The following RESF1 variants were observed in gnomAD, a reference collection of about 807,000 sequenced individuals.
The protein encoded by RESF1 is retroelement silencing factor 1.
Under a neutral mutation model 134.7 loss-of-function variants are expected in RESF1, and 65 were observed. That is an observed-to-expected ratio of 0.48 (90% CI 0.40 to 0.59). The LOEUF is 0.59. Among genes scored for constraint, RESF1 ranks in the 20% least tolerant of loss-of-function variants. The pLI is 0.00. For synonymous variants in RESF1, 762 were observed against 702.2 expected (o/e 1.09, Z -1.35); for missense variants, 2,274 against 2,002.7 (o/e 1.14, Z -2.59).
In RESF1 at chr12:31,968,605, T is replaced by C. The variant is rs983626870; in HGVS notation, c.-246-1584T>C. ...CTGGGATTACAGGCGCCCACCACCA[T>C]GCCCGGCTAATTTTTTGTATTTTTA... On this transcript the variant is annotated intron_variant, in intron 2 of 5. Transcript: ENST00000312561. 1.4e-3 allele frequency among the ~76,000 whole-genome samples: 213 copies of C among 151,900 alleles called. 1 individual carries two copies. Among genetic ancestry groups the C allele is most frequent in the African/African-American group, 5.0e-3 (207 of 41,464 alleles).
In RESF1 at chr12:31,985,129, C is replaced by T. The variant is rs1939934105; in HGVS notation, c.4174C>T (p.His1392Tyr). The change falls in exon 4 of 6, where the codon CAT becomes TAT. Residue 1392 changes from histidine (H) to tyrosine (Y), a missense_variant. His to Tyr is a moderately conservative substitution (Grantham distance 83, BLOSUM62 2). Transcript: ENST00000312561. The part of the protein sequence containing the change: ...VLDMEVKKKK[H>Y]DKQEQKGSVG... ...AGATATGGAAGTAAAGAAAAAGAAA[C>T]ATGATAAACAAGAACAGAAAGGAAG... 4.5e-6 allele frequency: 7 copies of T among 1,546,688 alleles called. No homozygotes were observed. The highest frequency in any genetic ancestry group is 4.5e-5 in the Admixed American group (2 of 44,082).
chr12:31,986,048 G>C, intron 4 of RESF1, 91 bp downstream of exon 4: 1 of 772,256 alleles, frequency 1.3e-6, no homozygotes, highest in Non-Finnish European at 1.8e-6. Flanking sequence ...GTCTTGGGCT[G>C]CTGGGAAAGA....
chr12:31,967,458 A>T (rs11051704), intron 2 of RESF1, among the ~76,000 whole-genome samples: 15,499 of 152,274 alleles, frequency 0.1, 1,020 homozygotes, highest in East Asian at 0.22. Flanking sequence ...ACATTTCGAT[A>T]ACCTGTATTA....
rs1325773548 is a variant in RESF1, at chr12:31,985,683, T to C, written c.4728T>C (p.Asp1576=). Residue 1576 remains aspartate (D), a synonymous_variant, in exon 4 of 6, where the codon GAT becomes GAC. Coordinates refer to ENST00000312561, the MANE Select transcript of RESF1 (RefSeq NM_018169.4). Reference sequence around the variant, plus strand: ...GCCAAATGCCTCCCCAAGTAAAGGATCAAAAGAAATTATATCTGAATAGAG... The same window carrying C: ...GCCAAATGCCTCCCCAAGTAAAGGACCAAAAGAAATTATATCTGAATAGAG... ...QFSQMPPQVK[D]QKKLYLNRVG... 3.1e-6 allele frequency: 5 copies of C among 1,612,122 alleles called. No individual in the cohort carries two copies. In the South Asian group the frequency reaches 5.5e-5, roughly 18 times the overall value.
chr12:31,985,143 A>G lies in RESF1; in HGVS notation c.4188A>G (p.Glu1396=). ...EVKKKKHDKQ[E]QKGSVGATFK... ...AGAAAAAGAAACATGATAAACAAGA[A>G]CAGAAAGGAAGTGTGGGAGCTACAT... Residue 1396 remains glutamate, a synonymous_variant, in exon 4 of 6, where the codon GAA becomes GAG. Coordinates refer to ENST00000312561, the MANE Select transcript of RESF1 (RefSeq NM_018169.4). 6.5e-7 allele frequency: 1 copy of G among 1,550,386 alleles called. No individual in the cohort carries two copies. The highest frequency in any genetic ancestry group is 8.6e-7 in the Non-Finnish European group (1 of 1,156,842).
intron 2 of RESF1, among the ~76,000 whole-genome samples, chr12:31,965,164 C>T (rs886157863): frequency 1.3e-5 from 2 of 152,154 alleles, no homozygotes; most frequent in Admixed American, 1.3e-4. Context: ...ACCATGTTGG[C>T]CAGGCTGGTC....
intron 3 of RESF1, among the ~76,000 whole-genome samples, chr12:31,972,984 G>T (rs1371640212): frequency 6.6e-6 from 1 of 151,616 alleles, no homozygotes; most frequent in African/African-American, 2.4e-5. Flanking sequence ...ATTTCTCTTT[G>T]TTTTTTCTGT....
intron 3 of RESF1, among the ~76,000 whole-genome samples, chr12:31,978,241 T>G (rs1490636575): frequency 6.6e-6 from 1 of 152,230 alleles, no homozygotes; most frequent in East Asian, 1.9e-4. Flanking sequence ...TTTAAAAGAT[T>G]ACTGCTGATA....
chr12:31,980,904 G>A lies in RESF1; in HGVS notation c.-52G>A, dbSNP rs1939765662. On this transcript the variant is annotated 5_prime_UTR_variant, in exon 4 of 6. Transcript: ENST00000312561. The stretch of plus-strand genomic sequence containing the variant: ...TTCCTGACATTCAGACAACTGACTT[G>A]TAACTGACTTATAACTGACTTGTAA... 4 of 1,331,170 alleles carry A rather than the reference G, an allele frequency of 3.0e-6. No homozygotes were observed. The East Asian group carries it at 9.4e-5, about 31-fold the overall frequency. 82.5% of individuals were successfully genotyped at this position (1,331,170 alleles called of 1,614,324 possible). A position where few individuals can be genotyped will look rare whatever the true frequency, so the allele number is the denominator to read the frequency against.
chr12:31,966,848 A>G (rs900061966), intron 2 of RESF1, among the ~76,000 whole-genome samples: 2 of 152,176 alleles, frequency 1.3e-5, no homozygotes, highest in African/African-American at 4.8e-5. Context: ...TAGAGTTTGT[A>G]GCTGGATACA....
chr12:31,974,575 A>T (rs957318730), intron 3 of RESF1, among the ~76,000 whole-genome samples: 1 of 151,608 alleles, frequency 6.6e-6, no homozygotes, highest in African/African-American at 2.4e-5. Context: ...CCTATGGGGG[A>T]TACTAGTCGG....
chr12:31,967,107 G>T (rs1393349237), intron 2 of RESF1, among the ~76,000 whole-genome samples: 1 of 152,174 alleles, frequency 6.6e-6, no homozygotes, highest in Non-Finnish European at 1.5e-5. Flanking sequence ...CACCTTGGGG[G>T]GTATACTTGC....
intron 3 of RESF1, among the ~76,000 whole-genome samples, chr12:31,973,157 G>A (rs1939552799): frequency 1.3e-5 from 2 of 152,116 alleles, no homozygotes; most frequent in Non-Finnish European, 2.9e-5. Context: ...GATGGACCAT[G>A]GAAACTTGTC....
chr12:31,965,946 TG>T, intron 2 of RESF1, among the ~76,000 whole-genome samples: 1 of 150,704 alleles, frequency 6.6e-6, no homozygotes, highest in East Asian at 1.9e-4. Context: ...CTCAACACAG[TG>T]TTGTCTTAAT....
At position 31,983,365 on chromosome 12, in the gene RESF1, T is replaced by C. The variant is rs2120867446; in HGVS notation, c.2410T>C (p.Leu804=). 3.7e-6 allele frequency: 6 copies of C among 1,614,044 alleles called. No individual in the cohort carries two copies. The highest frequency in any genetic ancestry group is 4.5e-5 in the East Asian group (2 of 44,880). Residue 804 remains leucine, a synonymous_variant, in exon 4 of 6, where the codon TTG becomes CTG. Transcript: ENST00000312561. ...EGSVCSLQNQ[L]AENAKATAAL... ...CAGTGTTTGTAGTTTACAAAATCAA[T>C]TGGCAGAAAATGCAAAGGCAACTGC...
At position 31,982,932 on chromosome 12, in the gene RESF1, A is replaced by G; in HGVS notation, c.1977A>G (p.Gly659=). The G allele has an allele frequency of 6.2e-7, 1 of 1,614,122 alleles. No homozygotes were observed. ...GTGGACAAGAATCCTCAACAAAAGGAATGCCTGCTAAAAGTGACAGTAGCT... is the reference window on the plus strand; with the variant it reads ...GTGGACAAGAATCCTCAACAAAAGGGATGCCTGCTAAAAGTGACAGTAGCT... ...FCSGQESSTK[G]MPAKSDSSCS... Residue 659 remains glycine, a synonymous_variant, in exon 4 of 6, where the codon GGA becomes GGG. Coordinates refer to ENST00000312561, the MANE Select transcript of RESF1 (RefSeq NM_018169.4).
chr12:31,981,198 G>T lies in RESF1; in HGVS notation c.243G>T (p.Gly81=). ...QQISVSDMHN[G]TVVASHTSVE... is the part of the protein sequence containing the mutation. ...TTTCTGTTTCTGATATGCATAATGG[G>T]ACAGTTGTGGCCTCACACACTTCAG... The change falls in exon 4 of 6, where the codon GGG becomes GGT. Residue 81 remains glycine (G), a synonymous_variant. Transcript: ENST00000312561. The T allele has an allele frequency of 6.2e-7, 1 of 1,614,070 alleles. No homozygotes were observed. The highest frequency in any genetic ancestry group is 8.5e-7 in the Non-Finnish European group (1 of 1,180,004).
intron 4 of RESF1, among the ~76,000 whole-genome samples, chr12:31,986,619 A>G (rs990083348): frequency 6.6e-6 from 1 of 152,206 alleles, no homozygotes; most frequent in Admixed American, 6.5e-5. Context: ...AGACTTCTCA[A>G]TGTAGTGCAG....
intron 5 of RESF1, among the ~76,000 whole-genome samples, chr12:31,988,636 T>C (rs997971192): frequency 6.6e-6 from 1 of 152,120 alleles, no homozygotes; most frequent in Non-Finnish European, 1.5e-5. Context: ...CTAGCTGTGT[T>C]ATTTGCTGGG....
Sources: gnomAD v4.1 joint callset for allele counts (sites outside exome capture counted in the v4.1 genomes callset) on GRCh38, gnomAD v4.1.1 for gene constraint, MANE v1.5 for transcripts, NCBI Gene and HGNC (gene_info 2026-07-23, HGNC 2026-07-21) for gene names.